Variants in PDE1C observed in about 807,000 individuals in gnomAD.
PDE1C encodes dual specificity calcium/calmodulin-dependent 3',5'-cyclic nucleotide phosphodiesterase 1C.
In PDE1C, 62 loss-of-function variants were observed where a neutral mutation model predicts 93.1. The ratio of observed to expected loss-of-function variants is 0.67; its 90% confidence interval spans 0.54 to 0.82. The LOEUF (loss-of-function observed/expected upper bound fraction) is 0.82, where lower values mean the gene tolerates loss of function less well. PDE1C is among the 40% of genes least tolerant of loss of function. The pLI, the probability that PDE1C is intolerant of heterozygous loss-of-function variation, is 0.00. For missense variants in PDE1C, 742 were observed against 884.6 expected, an observed-to-expected ratio of 0.84 and a Z score of 2.04; for synonymous variants, 325 against 310.1, an observed-to-expected ratio of 1.05 and a Z score of -0.50.
chr7:31,647,492 T>C, the PDE1C span, among the ~76,000 whole-genome samples: 1 of 125,338 alleles, frequency 8.0e-6, no homozygotes, highest in Non-Finnish European at 1.6e-5. Context: ...CAAAACCCCG[T>C]CTCCATTAAA....
intron 9 of PDE1C, among the ~76,000 whole-genome samples, chr7:31,841,984 A>C (rs1449938283): frequency 2.0e-5 from 3 of 152,138 alleles, no homozygotes; most frequent in Non-Finnish European, 4.4e-5. Context: ...TTAGGCCTTC[A>C]ACTGGTTGAA....
At chr7:32,357,559 G>A (rs528054452) in intron 1 of PDE1C, among the ~76,000 whole-genome samples, 30 of 152,286 alleles carry the variant, frequency 2.0e-4, no homozygotes, top group African/African-American at 7.2e-4. Context: ...GAAAGGCTTA[G>A]AAAGTGGGTA....
intron 2 of PDE1C, among the ~76,000 whole-genome samples, chr7:31,919,435 T>G (rs1802336873): frequency 6.6e-6 from 1 of 152,158 alleles, no homozygotes. Flanking sequence ...TTAAAACTTG[T>G]TAAGTACTTA....
At chr7:32,254,032 G>C (rs929456) in intron 1 of PDE1C, among the ~76,000 whole-genome samples, 1 of 151,924 alleles carries the variant, frequency 6.6e-6, no homozygotes, top group African/African-American at 2.4e-5. Flanking sequence ...AATGGAAGAA[G>C]GCAGGACAGG....
chr7:32,196,475 A>G (rs955306697), intron 2 of PDE1C, among the ~76,000 whole-genome samples: 1 of 152,170 alleles, frequency 6.6e-6, no homozygotes, highest in Non-Finnish European at 1.5e-5. Context: ...CAGGGAACTC[A>G]TCACCATGTT....
chr7:31,677,380 C>T, the PDE1C span, among the ~76,000 whole-genome samples: 1 of 152,120 alleles, frequency 6.6e-6, no homozygotes, highest in East Asian at 1.9e-4. Flanking sequence ...GTCTCACTTA[C>T]GACTATCCAT....
chr7:31,963,098 AT>A (rs975333762), intron 2 of PDE1C, among the ~76,000 whole-genome samples: 4 of 152,158 alleles, frequency 2.6e-5, no homozygotes, highest in Admixed American at 1.3e-4. Context: ...GAAAATACAC[AT>A]TTTTTTAAAA....
intron 7 of PDE1C, among the ~76,000 whole-genome samples, chr7:31,864,508 T>C (rs1376300395): frequency 6.6e-6 from 1 of 152,218 alleles, no homozygotes; most frequent in Non-Finnish European, 1.5e-5. Context: ...TGAATAACTA[T>C]AGTCCCTGTG....
intron 2 of PDE1C, among the ~76,000 whole-genome samples, chr7:31,936,083 T>C (rs1805017508): frequency 6.6e-6 from 1 of 152,230 alleles, no homozygotes; most frequent in African/African-American, 2.4e-5. Context: ...AGTGACCATA[T>C]TCTGCAATCC....
Position 32,254,099 on chromosome 7 carries a change from G to A in PDE1C, c.85+44552C>T, listed in dbSNP as rs950040608. 4.6e-5 allele frequency among the ~76,000 whole-genome samples: 7 copies of A among 152,144 alleles called. No individual in the cohort carries two copies. The East Asian group carries it at 5.8e-4, about 13-fold the overall frequency. ...CTGAAACAATGAAATGAGGCGATACGGGGCGTATCAGAGGATCTGGACTGG... is the reference window on the plus strand; with the variant it reads ...CTGAAACAATGAAATGAGGCGATACAGGGCGTATCAGAGGATCTGGACTGG... On this transcript the variant is annotated intron_variant, in intron 1 of 18. Coordinates refer to the PDE1C transcript ENST00000396193.
At chr7:32,307,227 G>T (rs986976618) in intron 1 of PDE1C, among the ~76,000 whole-genome samples, 7 of 152,120 alleles carry the variant, frequency 4.6e-5, no homozygotes, top group African/African-American at 1.7e-4. Flanking sequence ...GTGGGGAGCA[G>T]GATGTGGAGT....
chr7:32,042,356 A>G (rs768034488), intron 2 of PDE1C, among the ~76,000 whole-genome samples: 44 of 152,300 alleles, frequency 2.9e-4, no homozygotes, highest in Admixed American at 1.3e-3. Context: ...AAGGGATAGA[A>G]AGAACTCAAG....
chr7:31,730,762 C>T, the PDE1C span, among the ~76,000 whole-genome samples: 1 of 151,502 alleles, frequency 6.6e-6, no homozygotes, highest in East Asian at 2.0e-4. Flanking sequence ...GGCTATGCAT[C>T]GGAGACACAG....
At chr7:32,376,831 G>A (rs548686675) in intron 1 of PDE1C, among the ~76,000 whole-genome samples, 6 of 152,152 alleles carry the variant, frequency 3.9e-5, no homozygotes, top group Non-Finnish European at 5.9e-5. Flanking sequence ...GGGACTACGG[G>A]CGCCCGCCAC....
At chr7:31,680,064 G>C in the PDE1C span, among the ~76,000 whole-genome samples, 1 of 152,278 alleles carries the variant, frequency 6.6e-6, no homozygotes, top group East Asian at 1.9e-4. Context: ...AGCTGCATTA[G>C]TCAGCATATT....
the PDE1C span, among the ~76,000 whole-genome samples, chr7:31,732,023 A>G: frequency 6.6e-6 from 1 of 152,210 alleles, no homozygotes; most frequent in Admixed American, 6.5e-5. Context: ...ATTGCTTCCC[A>G]GAGGACGCCT....
chr7:32,367,490 A>C (rs866226905), intron 1 of PDE1C, among the ~76,000 whole-genome samples: 3 of 152,224 alleles, frequency 2.0e-5, no homozygotes, highest in Non-Finnish European at 2.9e-5. Context: ...AAAAGAAGAA[A>C]CCAACAATAT....
chr7:32,091,291 G>T (rs1273660923), intron 3 of PDE1C, among the ~76,000 whole-genome samples: 2 of 152,178 alleles, frequency 1.3e-5, no homozygotes, highest in African/African-American at 4.8e-5. Context: ...GTGCTTCAAT[G>T]AACTTTAGAT....
At chr7:31,784,187 C>G (rs369660411) in intron 16 of PDE1C, 51 of 151,564 alleles carry the variant, frequency 3.4e-4, no homozygotes, top group African/African-American at 1.1e-3. Context: ...ATGGCCAGTG[C>G]CCTCATCAGG....
Sources: gnomAD v4.1 joint callset for allele counts (sites outside exome capture counted in the v4.1 genomes callset) on GRCh38, gnomAD v4.1.1 for gene constraint, MANE v1.5 for transcripts, NCBI Gene and HGNC (gene_info 2026-07-23, HGNC 2026-07-21) for gene names.